The following RGS7BP variants were observed in gnomAD, a reference collection of about 807,000 sequenced individuals.
RGS7BP encodes regulator of G protein signaling 7 binding protein, also known as regulator of G protein signaling 7-binding protein.
Under a neutral mutation model 31.3 loss-of-function variants are expected in RGS7BP, and 9 were observed. That is an observed-to-expected ratio of 0.29 (90% CI 0.17 to 0.50). The LOEUF is 0.50. RGS7BP is among the 20% of genes least tolerant of loss of function. The pLI, the probability that RGS7BP is intolerant of heterozygous loss-of-function variation, is 0.98. For synonymous variants in RGS7BP, 115 were observed against 120.1 expected (o/e 0.96, Z 0.28); for missense variants, 274 against 322.0 (o/e 0.85, Z 1.14).
chr5:64,598,365 A>G lies in RGS7BP; in HGVS notation c.612A>G (p.Arg204=), dbSNP rs1208437781. ...TTCTGTCTTTTTATCAATTTTACAGAGACATGAGAGAAATGAAAAACCTTT... is the reference window on the plus strand; with the variant it reads ...TTCTGTCTTTTTATCAATTTTACAGGGACATGAGAGAAATGAAAAACCTTT... ...QVSTDIENTE[R]DMREMKNLLS... Residue 204 remains arginine (R), a splice_region_variant and synonymous_variant, in exon 5 of 6, where the codon AGA becomes AGG. Coordinates refer to ENST00000334025, the MANE Select transcript of RGS7BP (RefSeq NM_001029875.3). 1 of 1,553,236 alleles carries G rather than the reference A, an allele frequency of 6.4e-7. No homozygotes were observed. The highest frequency in any genetic ancestry group is 8.9e-7 in the Non-Finnish European group (1 of 1,124,834).
intron 3 of RGS7BP, among the ~76,000 whole-genome samples, chr5:64,588,655 T>C (rs575955304): frequency 2.6e-5 from 4 of 152,152 alleles, no homozygotes; most frequent in Non-Finnish European, 5.9e-5. Context: ...GAAACTACAA[T>C]AGGCTAATTT....
At chr5:64,598,924 A>C (rs1463094654) in intron 5 of RGS7BP, among the ~76,000 whole-genome samples, 1 of 152,230 alleles carries the variant, frequency 6.6e-6, no homozygotes, top group Non-Finnish European at 1.5e-5. Context: ...AAACTGGCGC[A>C]CAGAAAGGTT....
At chr5:64,560,827 G>T (rs1342365214) in intron 2 of RGS7BP, among the ~76,000 whole-genome samples, 1 of 152,076 alleles carries the variant, frequency 6.6e-6, no homozygotes, top group African/African-American at 2.4e-5. Context: ...CCAGTAAAAT[G>T]ATAAGAAGAG....
At chr5:64,566,732 A>G (rs1297646874) in intron 2 of RGS7BP, among the ~76,000 whole-genome samples, 3 of 151,890 alleles carry the variant, frequency 2.0e-5, no homozygotes, top group Non-Finnish European at 2.9e-5. Context: ...AATGAGCTCA[A>G]TTACAGTGGG....
chr5:64,559,635 G>A (rs1742005337), intron 2 of RGS7BP, among the ~76,000 whole-genome samples: 1 of 152,086 alleles, frequency 6.6e-6, no homozygotes, highest in African/African-American at 2.4e-5. Context: ...ATAATGGAAG[G>A]GATCAGAGGA....
chr5:64,585,052 G>A (rs10042014), intron 3 of RGS7BP, among the ~76,000 whole-genome samples: 7,158 of 152,216 alleles, frequency 0.047, 559 homozygotes, highest in African/African-American at 0.16. Context: ...GAAAATGCAT[G>A]AGAATTAGTA....
intron 2 of RGS7BP, among the ~76,000 whole-genome samples, chr5:64,540,352 A>C (rs1186190833): frequency 6.6e-6 from 1 of 152,190 alleles, no homozygotes; most frequent in East Asian, 1.9e-4. Flanking sequence ...CAGTATAATA[A>C]GTAATTTGCC....
chr5:64,561,211 T>C (rs1278382495), intron 2 of RGS7BP, among the ~76,000 whole-genome samples: 1 of 152,134 alleles, frequency 6.6e-6, no homozygotes, highest in Non-Finnish European at 1.5e-5. Context: ...TGTACACTTA[T>C]TATAGGAAAA....
At position 64,611,076 on chromosome 5, in the gene RGS7BP, T is replaced by G. The variant is rs1233450735; in HGVS notation, c.*1824T>G. ...TCTGAATCAAATATTTGTAAAACAATTTGGCTATTTAAAGACTCTTAGGGT... is the reference window on the plus strand; with the variant it reads ...TCTGAATCAAATATTTGTAAAACAAGTTGGCTATTTAAAGACTCTTAGGGT... On this transcript the variant is annotated 3_prime_UTR_variant, in exon 6 of 6. Coordinates refer to ENST00000334025, the MANE Select transcript of RGS7BP (RefSeq NM_001029875.3). 6.6e-6 allele frequency: 1 copy of G among 151,884 alleles called. No homozygotes were observed. The highest frequency in any genetic ancestry group is 1.5e-5 in the Non-Finnish European group (1 of 67,890). 9.4% of individuals were successfully genotyped at this position (151,884 alleles called of 1,614,324 possible).
At chr5:64,535,143 G>A (rs1046497838) in intron 2 of RGS7BP, among the ~76,000 whole-genome samples, 1 of 152,192 alleles carries the variant, frequency 6.6e-6, no homozygotes, top group African/African-American at 2.4e-5. Context: ...ACTGGGAACA[G>A]AAGTCTGGAT....
intron 2 of RGS7BP, among the ~76,000 whole-genome samples, chr5:64,572,892 T>A (rs1008407771): frequency 2.3e-4 from 35 of 151,254 alleles, no homozygotes; most frequent in African/African-American, 8.5e-4. Context: ...TATGTATACA[T>A]GTGCCATGCT....
intron 2 of RGS7BP, among the ~76,000 whole-genome samples, chr5:64,519,477 C>T (rs1749055914): frequency 6.6e-6 from 1 of 152,214 alleles, no homozygotes; most frequent in Non-Finnish European, 1.5e-5. Flanking sequence ...GAAGAGTAAT[C>T]AGCTCTGCCT....
chr5:64,549,373 T>G (rs1473449513), intron 2 of RGS7BP, among the ~76,000 whole-genome samples: 3 of 152,224 alleles, frequency 2.0e-5, no homozygotes, highest in Admixed American at 6.5e-5. Context: ...TCTGGTTCAA[T>G]GCTCTGTCCT....
rs151063322 is a variant in RGS7BP, at chr5:64,523,942, A to G, written c.332+16065A>G. On this transcript the variant is annotated intron_variant, in intron 2 of 5. Transcript: ENST00000334025. ...ATCAATCTTATTATAATTAGGATCA[A>G]GACAAATAGCCTGTCAGGTATATAA... 5.7e-3 allele frequency among the ~76,000 whole-genome samples: 868 copies of G among 152,350 alleles called. 7 individuals are homozygous for G. The highest frequency in any genetic ancestry group is 0.02 in the African/African-American group (825 of 41,584).
At position 64,603,768 on chromosome 5, in the gene RGS7BP, T is replaced by TG. The variant is rs530511647; in HGVS notation, c.682+5337dup. Among the ~76,000 whole-genome samples the TG allele has an allele frequency of 1.2e-4, 18 of 152,220 alleles. No homozygotes were observed. In the East Asian group the frequency reaches 3.5e-3, roughly 29 times the overall value. On this transcript the variant is annotated intron_variant, in intron 5 of 5. Transcript: ENST00000334025. ...GGGAAGTGAATGGCAGATGATGAGC[T>TG]GGGGCAGCCGGGGTAAATTCATTAA...
intron 2 of RGS7BP, among the ~76,000 whole-genome samples, chr5:64,559,768 C>T (rs1344764885): frequency 6.6e-6 from 1 of 152,086 alleles, no homozygotes; most frequent in Non-Finnish European, 1.5e-5. Flanking sequence ...AGCATCCTTC[C>T]AATAGTTACA....
At chr5:64,507,274 G>T (rs1748716676) in intron 1 of RGS7BP, among the ~76,000 whole-genome samples, 1 of 152,168 alleles carries the variant, frequency 6.6e-6, no homozygotes, top group South Asian at 2.1e-4. Flanking sequence ...AAGGTGAATG[G>T]TTTGCCTATT....
chr5:64,554,175 G>A (rs1328818874), intron 2 of RGS7BP, among the ~76,000 whole-genome samples: 7 of 152,184 alleles, frequency 4.6e-5, no homozygotes, highest in African/African-American at 1.7e-4. Flanking sequence ...AAGGAGAAGA[G>A]TTAAGCCAGG....
chr5:64,576,366 T>C (rs1742429787), intron 3 of RGS7BP, among the ~76,000 whole-genome samples: 1 of 152,180 alleles, frequency 6.6e-6, no homozygotes, highest in African/African-American at 2.4e-5. Flanking sequence ...GCTTAAACCA[T>C]AAAGGAAATA....
Sources: allele counts gnomAD v4.1 joint callset (sites outside exome capture counted in the v4.1 genomes callset), GRCh38; gene constraint gnomAD v4.1.1; transcripts MANE v1.5; gene names NCBI Gene and HGNC (gene_info 2026-07-23, HGNC 2026-07-21).